MGAT4C: variants seen among roughly 807,000 people sequenced by gnomAD.
The protein encoded by MGAT4C is MGAT4 family member C.
Under a neutral mutation model 40.1 loss-of-function variants are expected in MGAT4C, and 19 were observed. The ratio of observed to expected loss-of-function variants is 0.47; its 90% CI spans 0.33 to 0.70. MGAT4C has a LOEUF of 0.70. Ranked by LOEUF, MGAT4C falls within the 30% of genes least tolerant of loss-of-function variation. MGAT4C has a pLI of 0.02. For synonymous variants in MGAT4C, 181 were observed against 187.1 expected (o/e 0.97, Z 0.27); for missense variants, 491 against 563.2 (o/e 0.87, Z 1.30).
At chr12:86,247,885 G>T (rs1359517104) in intron 1 of MGAT4C, among the ~76,000 whole-genome samples, 1 of 152,184 alleles carries the variant, frequency 6.6e-6, no homozygotes, top group Non-Finnish European at 1.5e-5. Flanking sequence ...AGATTATGGG[G>T]AAGAGGGGAA....
At chr12:86,114,426 A>G (rs1878021737) in intron 1 of MGAT4C, among the ~76,000 whole-genome samples, 2 of 152,078 alleles carry the variant, frequency 1.3e-5, no homozygotes, top group South Asian at 4.1e-4. Flanking sequence ...GACATGCAAC[A>G]TGACATTTAT....
At chr12:86,529,542 ATC>A (rs1958941776) in intron 2 of MGAT4C, among the ~76,000 whole-genome samples, 1 of 151,974 alleles carries the variant, frequency 6.6e-6, no homozygotes, top group Non-Finnish European at 1.5e-5. Flanking sequence ...ATCGTTTATC[ATC>A]TCTTATTAAC....
intron 3 of MGAT4C, among the ~76,000 whole-genome samples, chr12:86,360,057 C>T (rs971340672): frequency 6.6e-6 from 1 of 152,100 alleles, no homozygotes. Flanking sequence ...GACCAATATC[C>T]CTGAAGAACA....
chr12:86,695,425 C>G (rs1950238721), intron 2 of MGAT4C, among the ~76,000 whole-genome samples: 1 of 152,186 alleles, frequency 6.6e-6, no homozygotes, highest in African/African-American at 2.4e-5. Flanking sequence ...TGAGTATATA[C>G]TCTAAAGAAG....
At chr12:86,600,889 A>ACTCCCTGGCCC (rs2136459280) in intron 2 of MGAT4C, among the ~76,000 whole-genome samples, 1 of 152,028 alleles carries the variant, frequency 6.6e-6, no homozygotes, top group Non-Finnish European at 1.5e-5. Context: ...TCCTGTTCCC[A>ACTCCCTGGCCC]CTCCCTGGCC....
At chr12:86,497,937 T>A (rs1019864835) in intron 2 of MGAT4C, among the ~76,000 whole-genome samples, 1 of 144,064 alleles carries the variant, frequency 6.9e-6, no homozygotes, top group Non-Finnish European at 1.5e-5. Context: ...CATATAATAT[T>A]ATATATAATA....
chr12:86,738,963 C>G (rs140482420), intron 1 of MGAT4C, among the ~76,000 whole-genome samples: 1 of 150,348 alleles, frequency 6.7e-6, no homozygotes, highest in East Asian at 2.0e-4. Flanking sequence ...ATAGCTATAG[C>G]AGAAAGGGAC....
chr12:86,773,435 A>G (rs1434098465), intron 1 of MGAT4C, among the ~76,000 whole-genome samples: 1 of 152,108 alleles, frequency 6.6e-6, no homozygotes, highest in Non-Finnish European at 1.5e-5. Flanking sequence ...GTGAGAAAAT[A>G]AATTTATACT....
chr12:86,658,326 CA>C (rs1412835416), intron 2 of MGAT4C, among the ~76,000 whole-genome samples: 1 of 151,828 alleles, frequency 6.6e-6, no homozygotes, highest in Non-Finnish European at 1.5e-5. Flanking sequence ...AAGTGTTTAG[CA>C]AAAAACATCT....
At chr12:86,322,050 A>C (rs1195341686) in intron 4 of MGAT4C, among the ~76,000 whole-genome samples, 2 of 152,108 alleles carry the variant, frequency 1.3e-5, no homozygotes, top group Non-Finnish European at 2.9e-5. Flanking sequence ...GCCATAAAAA[A>C]GGATGAGTTC....
chr12:86,369,098 T>A (rs568391006), intron 3 of MGAT4C, among the ~76,000 whole-genome samples: 1 of 152,162 alleles, frequency 6.6e-6, no homozygotes, highest in Non-Finnish European at 1.5e-5. Flanking sequence ...TGAATTGCCA[T>A]TTTTATTATT....
intron 4 of MGAT4C, among the ~76,000 whole-genome samples, chr12:86,271,405 G>C (rs988425400): frequency 1.3e-5 from 2 of 152,202 alleles, no homozygotes; most frequent in South Asian, 4.1e-4. Context: ...ATGGCCACAG[G>C]TGTATAAAAA....
chr12:86,088,170 A>G (rs1340872290), intron 1 of MGAT4C, among the ~76,000 whole-genome samples: 1 of 152,078 alleles, frequency 6.6e-6, no homozygotes, highest in African/African-American at 2.4e-5. Flanking sequence ...GGCTAGCCAC[A>G]TGTAGAAGAC....
At chr12:86,019,867 T>C (rs889544192) in intron 2 of MGAT4C, among the ~76,000 whole-genome samples, 7 of 152,160 alleles carry the variant, frequency 4.6e-5, no homozygotes, top group Non-Finnish European at 7.3e-5. Context: ...TTTATTTCAT[T>C]GAGCAGTGGT....
chr12:86,767,576 G>T (rs141880417), intron 1 of MGAT4C, among the ~76,000 whole-genome samples: 110,966 of 151,928 alleles, frequency 0.73, 42,238 homozygotes, highest in South Asian at 0.85. Context: ...AAGAGAATTT[G>T]AGACCAATAT....
chr12:86,666,236 A>C (rs1463712765), intron 2 of MGAT4C, among the ~76,000 whole-genome samples: 1 of 152,276 alleles, frequency 6.6e-6, no homozygotes, highest in African/African-American at 2.4e-5. Context: ...TAGCTATTCT[A>C]CTTAAGACCT....
intron 3 of MGAT4C, among the ~76,000 whole-genome samples, chr12:86,433,809 A>G (rs1051878556): frequency 1.3e-5 from 2 of 152,030 alleles, no homozygotes; most frequent in Admixed American, 6.6e-5. Context: ...CATTGTCATT[A>G]CTGACTCCTC....
At chr12:86,243,763 A>C (rs1351591262) in intron 1 of MGAT4C, among the ~76,000 whole-genome samples, 2 of 152,188 alleles carry the variant, frequency 1.3e-5, no homozygotes, top group Non-Finnish European at 2.9e-5. Context: ...AGAGAAAAAA[A>C]GGTTAGTAGA....
At chr12:85,985,026 C>T (rs951168583) in intron 3 of MGAT4C, among the ~76,000 whole-genome samples, 2 of 152,158 alleles carry the variant, frequency 1.3e-5, no homozygotes, top group African/African-American at 2.4e-5. Flanking sequence ...GTGATCCACT[C>T]ACCTCGGCCT....
Sources: allele counts gnomAD v4.1 joint callset (sites outside exome capture counted in the v4.1 genomes callset), GRCh38; gene constraint gnomAD v4.1.1; transcripts MANE v1.5; gene names NCBI Gene and HGNC (gene_info 2026-07-23, HGNC 2026-07-21).